INTS9: variants seen among roughly 807,000 people sequenced by gnomAD.
INTS9 encodes the protein integrator complex subunit 9.
In INTS9, 55 loss-of-function variants were observed where a neutral mutation model predicts 79.7. The observed-to-expected ratio is 0.69, with a 90% CI of 0.56 to 0.86. INTS9 has a LOEUF of 0.86. Ranked by LOEUF, INTS9 falls within the 40% of genes least tolerant of loss-of-function variation. The pLI is 0.00. For synonymous variants in INTS9, 319 were observed against 325.2 expected (o/e 0.98, Z 0.20); for missense variants, 721 against 831.5 (o/e 0.87, Z 1.64).
At chr8:28,806,656 G>A (rs1486245531) in intron 8 of INTS9, among the ~76,000 whole-genome samples, 1 of 152,190 alleles carries the variant, frequency 6.6e-6, no homozygotes, top group Non-Finnish European at 1.5e-5. Context: ...ATCAGGATAT[G>A]TTTATTATAA....
At chr8:28,788,482 G>A (rs903461187) in intron 10 of INTS9, among the ~76,000 whole-genome samples, 6 of 152,158 alleles carry the variant, frequency 3.9e-5, no homozygotes, top group Admixed American at 6.5e-5. Context: ...GCAATGGCGC[G>A]ATCTCGGCTC....
chr8:28,803,306 G>A (rs1447561908), intron 8 of INTS9, among the ~76,000 whole-genome samples: 1 of 152,156 alleles, frequency 6.6e-6, no homozygotes. Flanking sequence ...AATACAAAAT[G>A]TAGTATTCAA....
intron 6 of INTS9, among the ~76,000 whole-genome samples, chr8:28,820,042 G>A (rs897445404): frequency 1.3e-4 from 20 of 152,134 alleles, no homozygotes; most frequent in Admixed American, 2.0e-4. Flanking sequence ...GAGCCTATGT[G>A]TGTCTCTGCA....
intron 3 of INTS9, 191 bp downstream of exon 3, chr8:28,850,022 T>C (rs1302541600): frequency 1.9e-5 from 9 of 467,574 alleles, no homozygotes; most frequent in Non-Finnish European, 3.4e-5. Flanking sequence ...ATCAGAACAA[T>C]GACATTCTCT....
chr8:28,862,906 G>A (rs1808534863), intron 1 of INTS9, among the ~76,000 whole-genome samples: 1 of 152,178 alleles, frequency 6.6e-6, no homozygotes, highest in Non-Finnish European at 1.5e-5. Flanking sequence ...TCAAATCTTG[G>A]CTGCACTCAG....
chr8:28,853,509 C>T (rs887867165), intron 2 of INTS9, among the ~76,000 whole-genome samples: 6 of 151,774 alleles, frequency 4.0e-5, no homozygotes, highest in African/African-American at 1.5e-4. Context: ...CACATCTTTG[C>T]ACCCACTATT....
Position 28,857,148 on chromosome 8 carries a change from G to A in INTS9, c.137+2288C>T, listed in dbSNP as rs546836734. Among the ~76,000 whole-genome samples, 97 of 152,228 alleles carry A rather than the reference G, an allele frequency of 6.4e-4. 1 individual carries two copies. Among genetic ancestry groups the A allele is most frequent in the Middle Eastern group, 3.4e-3 (1 of 294 alleles). On this transcript the variant is annotated intron_variant, in intron 2 of 16. Coordinates refer to ENST00000521022, the MANE Select transcript of INTS9 (RefSeq NM_018250.4). ...TGAGGGGCACTTAAGTTGCTTCCAT[G>A]TCTTTACTATTATGAATAGTGCTGA...
rs568376555 is a variant in INTS9, at chr8:28,806,480, C to A, written c.744+5847G>T. Among the ~76,000 whole-genome samples, 8 of 152,280 alleles carry A rather than the reference C, an allele frequency of 5.3e-5. No individual in the cohort carries two copies. In the South Asian group the frequency reaches 1.4e-3, roughly 28 times the overall value. ...AAATCAACAACTAACACACCCTTTT[C>A]AGAAATCAGTAGCTAAGCAAAGATA... On this transcript the variant is annotated intron_variant, in intron 8 of 16. Transcript: ENST00000521022.
At chr8:28,825,715 T>C (rs1193957971) in intron 6 of INTS9, among the ~76,000 whole-genome samples, 1 of 152,206 alleles carries the variant, frequency 6.6e-6, no homozygotes, top group East Asian at 1.9e-4. Context: ...ATTCACCCTA[T>C]TGAGTACTAG....
At chr8:28,855,450 T>C (rs982524113) in intron 2 of INTS9, among the ~76,000 whole-genome samples, 2 of 152,226 alleles carry the variant, frequency 1.3e-5, no homozygotes, top group Admixed American at 6.5e-5. Flanking sequence ...TGATAATAGA[T>C]ACTATCATTG....
intron 11 of INTS9, among the ~76,000 whole-genome samples, chr8:28,785,269 T>C (rs1174391905): frequency 3.3e-5 from 5 of 152,276 alleles, no homozygotes; most frequent in African/African-American, 1.2e-4. Context: ...ACATACTTTT[T>C]GGGACTATAA....
chr8:28,859,067 T>C (rs1381809964), intron 2 of INTS9, among the ~76,000 whole-genome samples: 4 of 152,232 alleles, frequency 2.6e-5, no homozygotes, highest in Admixed American at 2.0e-4. Context: ...TCAGACTCTA[T>C]GCTGTTAAGT....
intron 1 of INTS9, among the ~76,000 whole-genome samples, chr8:28,887,245 C>T (rs571661598): frequency 6.6e-6 from 1 of 152,242 alleles, no homozygotes; most frequent in East Asian, 1.9e-4. Context: ...AGGAGGTTAT[C>T]CTAAGGGCAA....
intron 6 of INTS9, among the ~76,000 whole-genome samples, chr8:28,814,636 A>G (rs1437704942): frequency 1.3e-5 from 2 of 152,286 alleles, no homozygotes; most frequent in East Asian, 3.9e-4. Flanking sequence ...CCTCTCAGGT[A>G]TGCTACCAGA....
intron 14 of INTS9, among the ~76,000 whole-genome samples, chr8:28,771,486 T>C (rs1179727430): frequency 1.3e-5 from 2 of 152,208 alleles, no homozygotes; most frequent in East Asian, 1.9e-4. Context: ...GCTCTGTTGC[T>C]GGGTTTAGCT....
chr8:28,782,532 C>A (rs1208154615), intron 11 of INTS9, among the ~76,000 whole-genome samples: 22 of 152,216 alleles, frequency 1.4e-4, no homozygotes, highest in Non-Finnish European at 1.2e-4. Flanking sequence ...GACATGTGTG[C>A]ACACATGCAC....
intron 1 of INTS9, among the ~76,000 whole-genome samples, chr8:28,881,893 G>A (rs1189409522): frequency 1.4e-5 from 2 of 146,404 alleles, no homozygotes; most frequent in African/African-American, 2.6e-5. Context: ...GCTTCTGCCC[G>A]GCCGCCCCCA....
chr8:28,779,095 A>G (rs1336382662), intron 12 of INTS9, among the ~76,000 whole-genome samples: 2 of 152,202 alleles, frequency 1.3e-5, no homozygotes, highest in African/African-American at 4.8e-5. Context: ...TGCTGTGTAG[A>G]TGCTGTCACC....
chr8:28,851,193 G>A (rs1807809327), intron 2 of INTS9, among the ~76,000 whole-genome samples: 1 of 150,922 alleles, frequency 6.6e-6, no homozygotes, highest in African/African-American at 2.5e-5. Context: ...AAGTAAGGGT[G>A]CGGGACTAAA....
Sources: gnomAD v4.1 joint callset for allele counts (sites outside exome capture counted in the v4.1 genomes callset) on GRCh38, gnomAD v4.1.1 for gene constraint, MANE v1.5 for transcripts, NCBI Gene and HGNC (gene_info 2026-07-23, HGNC 2026-07-21) for gene names.